ZNF718: variants seen among roughly 807,000 people sequenced by gnomAD.
The protein encoded by ZNF718 is zinc finger protein 718.
Under a neutral mutation model 2.6 loss-of-function variants are expected in ZNF718, and 3 were observed. The observed-to-expected ratio is 1.16, with a 90% CI of 0.53 to 3.01. The LOEUF is 3.01. Ranked by LOEUF, ZNF718 falls within the 30% of genes most tolerant of loss-of-function variation. The probability of loss-of-function intolerance (pLI) is 0.03; values close to 1 mark genes in which losing one functional copy is unlikely to be tolerated. For missense variants in ZNF718, 468 were observed against 230.0 expected, an observed-to-expected ratio of 2.03 and a Z score of -6.69; for synonymous variants, 135 against 77.9, an observed-to-expected ratio of 1.73 and a Z score of -3.86.
intron 3 of ZNF718, among the ~76,000 whole-genome samples, chr4:147,323 A>T (rs1166841286): frequency 6.6e-6 from 1 of 152,180 alleles, no homozygotes; most frequent in East Asian, 1.9e-4. Flanking sequence ...TCCATTAAGG[A>T]TGTCCTTGCG....
At chr4:164,245 CAT>C (rs1195710926), downstream of ZNF718, among the ~76,000 whole-genome samples, 1 of 151,988 alleles carries the variant, frequency 6.6e-6, no homozygotes, top group Non-Finnish European at 1.5e-5. Context: ...AATATATAAA[CAT>C]ATTGCTGTAA....
At chr4:183,563 T>C (rs1553820102) in intron 3 of ZNF718, among the ~76,000 whole-genome samples, 1 of 152,224 alleles carries the variant, frequency 6.6e-6, no homozygotes, top group Non-Finnish European at 1.5e-5. Context: ...TTAATGGGAA[T>C]AGCATTGAAT....
At chr4:125,637 G>C (rs1022720075) in intron 1 of ZNF718, among the ~76,000 whole-genome samples, 1 of 152,192 alleles carries the variant, frequency 6.6e-6, no homozygotes. Context: ...GTCCCGCTGG[G>C]CACTGTCCTC....
At chr4:136,881 G>A (rs965439441) in intron 3 of ZNF718, among the ~76,000 whole-genome samples, 1 of 152,180 alleles carries the variant, frequency 6.6e-6, no homozygotes, top group Non-Finnish European at 1.5e-5. Flanking sequence ...GCTTTTGTAA[G>A]TGATATAGTT....
At chr4:139,599 G>A (rs1205609258) in intron 3 of ZNF718, among the ~76,000 whole-genome samples, 3 of 152,184 alleles carry the variant, frequency 2.0e-5, no homozygotes, top group Admixed American at 6.5e-5. Context: ...ACTGTGGAGT[G>A]TATTTTCATT....
intron 3 of ZNF718, among the ~76,000 whole-genome samples, chr4:157,842 G>A (rs1240904382): frequency 6.6e-6 from 1 of 152,058 alleles, no homozygotes; most frequent in African/African-American, 2.4e-5. Flanking sequence ...AATTCTGTTA[G>A]GCATAATTTT....
Position 127,170 on chromosome 4 carries a change from C to T in ZNF718, c.3+2497C>T, listed in dbSNP as rs1207500437. ...ATTTTCCATGCACTGTTTAGAAGTACTGGACGTTATATACAAAGTGCCCAC... is the reference window on the plus strand; with the variant it reads ...ATTTTCCATGCACTGTTTAGAAGTATTGGACGTTATATACAAAGTGCCCAC... On this transcript the variant is annotated intron_variant, in intron 1 of 3. Transcript: ENST00000510175. Among the ~76,000 whole-genome samples, 7 of 43,420 alleles carry T rather than the reference C, an allele frequency of 1.6e-4. 3 individuals carry two copies. Among genetic ancestry groups the T allele is most frequent in the African/African-American group, 5.2e-4 (7 of 13,402 alleles). 28.5% of individuals were successfully genotyped at this position (43,420 alleles called of 152,430 possible). A position where few individuals can be genotyped will look rare whatever the true frequency, so the allele number is the denominator to read the frequency against.
intron 3 of ZNF718, among the ~76,000 whole-genome samples, chr4:159,034 T>C (rs7673484): frequency 6.1e-5 from 9 of 147,328 alleles, no homozygotes; most frequent in African/African-American, 2.4e-4. Flanking sequence ...TCTTTTTTTC[T>C]TTTTTCTTTT....
At chr4:142,892 G>A (rs1326101239) in intron 3 of ZNF718, among the ~76,000 whole-genome samples, 1 of 151,986 alleles carries the variant, frequency 6.6e-6, no homozygotes, top group Non-Finnish European at 1.5e-5. Context: ...GAAACCTTGA[G>A]TAAGGAGCAT....
At chr4:176,155 A>C (rs1553819059) in intron 3 of ZNF718, among the ~76,000 whole-genome samples, 3 of 152,106 alleles carry the variant, frequency 2.0e-5, no homozygotes, top group Non-Finnish European at 4.4e-5. Flanking sequence ...AGGCAGCTCC[A>C]CAAGCACTAA....
chr4:189,890 G>A (rs1581484142), intron 3 of ZNF718, among the ~76,000 whole-genome samples: 1 of 152,256 alleles, frequency 6.6e-6, no homozygotes, highest in Non-Finnish European at 1.5e-5. Context: ...TATTGTTCAA[G>A]TAACATTTTG....
At chr4:148,046 G>T (rs1393934079) in intron 3 of ZNF718, among the ~76,000 whole-genome samples, 2 of 152,132 alleles carry the variant, frequency 1.3e-5, no homozygotes, top group Non-Finnish European at 2.9e-5. Flanking sequence ...CTGATTCATA[G>T]GGCTGCTTCA....
chr4:195,081 A>AGG (rs1717765527), intron 3 of ZNF718, among the ~76,000 whole-genome samples: 1 of 152,152 alleles, frequency 6.6e-6, no homozygotes, highest in South Asian at 2.1e-4. Context: ...CTTTGTGCTC[A>AGG]GGGGTGAGTC....
intron 3 of ZNF718, among the ~76,000 whole-genome samples, chr4:144,943 G>C (rs1456858576): frequency 6.6e-6 from 1 of 151,428 alleles, no homozygotes; most frequent in Non-Finnish European, 1.5e-5. Flanking sequence ...TTTTGTGACA[G>C]ATTTTTTTTT....
chr4:154,750 G>A (rs1716486409), intron 3 of ZNF718, among the ~76,000 whole-genome samples: 1 of 152,174 alleles, frequency 6.6e-6, no homozygotes, highest in South Asian at 2.1e-4. Context: ...CTGATGATGT[G>A]ATAGACAAGA....
chr4:182,205 G>A (rs1017644704), intron 3 of ZNF718, among the ~76,000 whole-genome samples: 4 of 151,262 alleles, frequency 2.6e-5, no homozygotes, highest in African/African-American at 7.3e-5. Flanking sequence ...TGGGTCAAAT[G>A]GTATTTCTTC....
intron 1 of ZNF718, among the ~76,000 whole-genome samples, chr4:129,798 G>A (rs1715309416): frequency 9.9e-6 from 1 of 101,008 alleles, no homozygotes. Flanking sequence ...ACAATGATAA[G>A]AAAACAGAAG....
In ZNF718 at chr4:161,019, A is replaced by C; in HGVS notation, c.334A>C (p.Arg112=). The change falls in exon 4 of 4, where the codon AGA becomes CGA. Residue 112 remains arginine (R), a synonymous_variant. Coordinates refer to ENST00000510175, the MANE Select transcript of ZNF718 (RefSeq NM_001039127.6). Reference sequence around the variant, plus strand: ...TGAGAAACGTGGACATGAGAATTTAAGAAAAACTTGTAAAAGTATAAATGA... The same window carrying C: ...TGAGAAACGTGGACATGAGAATTTACGAAAAACTTGTAAAAGTATAAATGA... The part of the protein sequence containing the change: ...GHEKRGHENL[R]KTCKSINECK... 1.3e-6 allele frequency: 1 copy of C among 780,970 alleles called. No individual in the cohort carries two copies. The highest frequency in any genetic ancestry group is 1.3e-5 in the South Asian group (1 of 74,620). The allele number at this position is 780,970 out of a possible 1,614,324, so 48.4% of individuals were successfully genotyped here.
At chr4:194,414 C>T (rs1242279723) in intron 3 of ZNF718, among the ~76,000 whole-genome samples, 2 of 152,174 alleles carry the variant, frequency 1.3e-5, no homozygotes, top group Non-Finnish European at 2.9e-5. Flanking sequence ...ATGTCTGTGG[C>T]ACCAATCTCC....
Sources: gnomAD v4.1 joint callset for allele counts (sites outside exome capture counted in the v4.1 genomes callset) on GRCh38, gnomAD v4.1.1 for gene constraint, MANE v1.5 for transcripts, NCBI Gene and HGNC (gene_info 2026-07-23, HGNC 2026-07-21) for gene names.